The following NMNAT2 variants were observed in gnomAD, a reference collection of about 807,000 sequenced individuals.
NMNAT2 encodes nicotinamide/nicotinic acid mononucleotide adenylyltransferase 2.
NMNAT2 carries 11 observed loss-of-function variants against 41.6 expected under a neutral mutation model. The observed-to-expected ratio is 0.26, with a 90% CI of 0.17 to 0.44. The LOEUF (loss-of-function observed/expected upper bound fraction) is 0.44, where lower values mean the gene tolerates loss of function less well. Ranked by LOEUF, NMNAT2 falls within the 20% of genes least tolerant of loss-of-function variation. The probability of loss-of-function intolerance (pLI) is 1.00; values close to 1 mark genes in which losing one functional copy is unlikely to be tolerated. For missense variants in NMNAT2, 288 were observed against 407.7 expected, an observed-to-expected ratio of 0.71 and a Z score of 2.53; for synonymous variants, 148 against 151.2, an observed-to-expected ratio of 0.98 and a Z score of 0.16.
intron 1 of NMNAT2, among the ~76,000 whole-genome samples, chr1:183,392,199 C>A (rs1648503276): frequency 6.6e-6 from 1 of 152,152 alleles, no homozygotes; most frequent in South Asian, 2.1e-4. Context: ...TCCTCCCAAA[C>A]CTGCTCTTCC....
intron 1 of NMNAT2, among the ~76,000 whole-genome samples, chr1:183,324,467 TA>T (rs1662419767): frequency 6.6e-6 from 1 of 152,186 alleles, no homozygotes; most frequent in South Asian, 2.1e-4. Flanking sequence ...CTATTTCCTT[TA>T]CTTAAAATAA....
chr1:183,249,099 T>C lies in NMNAT2; in HGVS notation c.*3542A>G, dbSNP rs1571548148. The C allele has an allele frequency of 1.3e-5, 2 of 152,268 alleles. No individual in the cohort carries two copies. Among genetic ancestry groups the C allele is most frequent in the South Asian group, 4.1e-4 (2 of 4,822 alleles). The allele number at this position is 152,268 out of a possible 1,614,324, so 9.4% of individuals were successfully genotyped here. On this transcript the variant is annotated 3_prime_UTR_variant, in exon 11 of 11. Transcript: ENST00000287713. ...AGCTGGAGCTTGAAACTAGAGAACA[T>C]TGTTGAAAGGCTGGCCAAGCTGAGA... is the stretch of plus-strand genomic sequence containing the variant.
At chr1:183,354,409 C>CTTTTTTTTTTTT (rs67663742) in intron 1 of NMNAT2, among the ~76,000 whole-genome samples, 6 of 89,670 alleles carry the variant, frequency 6.7e-5, no homozygotes, top group Admixed American at 1.3e-4. Flanking sequence ...TCTTTAATGT[C>CTTTTTTTTTTTT]TTTTTTTTTT....
chr1:183,364,416 T>G (rs1324551663), intron 1 of NMNAT2, among the ~76,000 whole-genome samples: 1 of 152,148 alleles, frequency 6.6e-6, no homozygotes, highest in African/African-American at 2.4e-5. Flanking sequence ...CTGTATACAA[T>G]CACTAGAAGG....
At chr1:183,358,940 G>A (rs183041084) in intron 1 of NMNAT2, among the ~76,000 whole-genome samples, 1 of 152,332 alleles carries the variant, frequency 6.6e-6, no homozygotes, top group East Asian at 1.9e-4. Flanking sequence ...TGATGATACA[G>A]AGCTAAGCAA....
At chr1:183,356,244 G>A (rs1663182346) in intron 1 of NMNAT2, among the ~76,000 whole-genome samples, 1 of 152,180 alleles carries the variant, frequency 6.6e-6, no homozygotes. Context: ...GTAGTGGTAG[G>A]GCAGGACTTT....
Position 183,278,439 on chromosome 1 carries a change from C to T in NMNAT2, c.651+114G>A, listed in dbSNP as rs547007430. The T allele has an allele frequency of 7.3e-5, 50 of 680,940 alleles. 1 individual carries two copies. Among genetic ancestry groups the T allele is most frequent in the South Asian group, 4.9e-4 (29 of 59,542 alleles). 42.2% of individuals were successfully genotyped at this position (680,940 alleles called of 1,614,324 possible). A position where few individuals can be genotyped will look rare whatever the true frequency, so the allele number is the denominator to read the frequency against. On this transcript the variant is annotated intron_variant, in intron 8 of 10. Transcript: ENST00000287713. Reference sequence around the variant, plus strand: ...GAATTTTCTACCATAGTGATGTGAACGGACTGCCCTCTTAGAAGCTCAGAA... The same window carrying T: ...GAATTTTCTACCATAGTGATGTGAATGGACTGCCCTCTTAGAAGCTCAGAA...
At chr1:183,371,770 GTTTGTTTGTTT>G (rs1663549469) in intron 1 of NMNAT2, among the ~76,000 whole-genome samples, 1 of 152,034 alleles carries the variant, frequency 6.6e-6, no homozygotes. Context: ...TTTTGTTTCT[GTTTGTTTGTTT>G]TTTGTTTGTT....
intron 1 of NMNAT2, among the ~76,000 whole-genome samples, chr1:183,362,164 C>T (rs1663320178): frequency 1.3e-5 from 2 of 152,154 alleles, no homozygotes; most frequent in Admixed American, 1.3e-4. Context: ...GTCTCTAACT[C>T]CTGACCTCAG....
At chr1:183,339,242 T>C (rs1259818155) in intron 1 of NMNAT2, among the ~76,000 whole-genome samples, 1 of 152,034 alleles carries the variant, frequency 6.6e-6, no homozygotes. Context: ...GGACTACAGG[T>C]GCCTGCCACC....
chr1:183,351,697 G>A (rs766060805), intron 1 of NMNAT2, among the ~76,000 whole-genome samples: 12 of 152,178 alleles, frequency 7.9e-5, no homozygotes, highest in Non-Finnish European at 1.8e-4. Flanking sequence ...CAGCATTCAA[G>A]CCAAGGCAGG....
chr1:183,339,854 T>C (rs998271014), intron 1 of NMNAT2, among the ~76,000 whole-genome samples: 2 of 152,152 alleles, frequency 1.3e-5, no homozygotes, highest in African/African-American at 4.8e-5. Context: ...GAGCTATGTC[T>C]GCCTCAGGTG....
At chr1:183,275,512 G>T (rs1039453134) in intron 8 of NMNAT2, among the ~76,000 whole-genome samples, 5 of 151,680 alleles carry the variant, frequency 3.3e-5, no homozygotes, top group Admixed American at 2.0e-4. Flanking sequence ...TGCTGCCTCT[G>T]CAGGGGACTG....
intron 2 of NMNAT2, among the ~76,000 whole-genome samples, 162 bp downstream of exon 2, chr1:183,293,543 G>C (rs1008737688): frequency 6.6e-6 from 1 of 152,246 alleles, no homozygotes; most frequent in African/African-American, 2.4e-5. Context: ...GTCCGACTGT[G>C]GTCCTGAGAT....
At chr1:183,282,610 C>T (rs957269800) in intron 7 of NMNAT2, among the ~76,000 whole-genome samples, 9 of 152,192 alleles carry the variant, frequency 5.9e-5, no homozygotes, top group Admixed American at 5.2e-4. Flanking sequence ...AAGGAGACTG[C>T]GTGGGAAGGC....
At chr1:183,381,217 A>G (rs1663797684) in intron 1 of NMNAT2, among the ~76,000 whole-genome samples, 1 of 152,176 alleles carries the variant, frequency 6.6e-6, no homozygotes, top group African/African-American at 2.4e-5. Context: ...TTCTGGACAG[A>G]AGATTGGCAA....
chr1:183,344,359 G>C (rs963763978), intron 1 of NMNAT2, among the ~76,000 whole-genome samples: 4 of 152,172 alleles, frequency 2.6e-5, no homozygotes, highest in Non-Finnish European at 4.4e-5. Flanking sequence ...CCATTCCAAA[G>C]AGGCTGCCTT....
At chr1:183,360,706 G>C (rs1017952150) in intron 1 of NMNAT2, among the ~76,000 whole-genome samples, 1 of 152,168 alleles carries the variant, frequency 6.6e-6, no homozygotes, top group Non-Finnish European at 1.5e-5. Context: ...CTATAAAATT[G>C]GCAGTGTGCC....
At chr1:183,301,076 A>C (rs1661838332) in intron 1 of NMNAT2, among the ~76,000 whole-genome samples, 2 of 152,190 alleles carry the variant, frequency 1.3e-5, no homozygotes, top group South Asian at 4.1e-4. Flanking sequence ...TTTGTTTATC[A>C]AGGATTTTTT....
Sources: gnomAD v4.1 joint callset for allele counts (sites outside exome capture counted in the v4.1 genomes callset) on GRCh38, gnomAD v4.1.1 for gene constraint, MANE v1.5 for transcripts, NCBI Gene and HGNC (gene_info 2026-07-23, HGNC 2026-07-21) for gene names.